PMP22: variants seen among roughly 807,000 people sequenced by gnomAD.
PMP22 encodes the protein Charcot-Marie-Tooth neuropathy 1A (greatly reduced nerve conduction velocity, hereditary motor sensory neuropathy Ia).
PMP22 carries 2 observed loss-of-function variants against 18.9 expected under a neutral mutation model. That is an observed-to-expected ratio of 0.11 (90% CI 0.04 to 0.33). The LOEUF is 0.33. PMP22 is among the 10% of genes least tolerant of loss of function. The pLI is 1.00. For synonymous variants in PMP22, 95 were observed against 89.2 expected (o/e 1.07, Z -0.37); for missense variants, 169 against 202.2 (o/e 0.84, Z 1.00).
At chr17:15,234,778 C>T (rs1005837713) in intron 4 of PMP22, among the ~76,000 whole-genome samples, 4 of 150,978 alleles carry the variant, frequency 2.6e-5, no homozygotes, top group Non-Finnish European at 4.4e-5. Context: ...AACAGGATGG[C>T]ACTGAACTTT....
chr17:15,235,694 C>A (rs1597603168), intron 4 of PMP22, among the ~76,000 whole-genome samples: 1 of 152,106 alleles, frequency 6.6e-6, no homozygotes, highest in South Asian at 2.1e-4. Context: ...GTGGATCCAT[C>A]CCACAACTAT....
At chr17:15,243,784 A>G (rs548626587) in intron 3 of PMP22, among the ~76,000 whole-genome samples, 1 of 148,084 alleles carries the variant, frequency 6.8e-6, no homozygotes, top group South Asian at 2.1e-4. Flanking sequence ...TTATAATTAT[A>G]TAACATATAA....
intron 3 of PMP22, among the ~76,000 whole-genome samples, chr17:15,253,075 T>A (rs1011240761): frequency 6.6e-6 from 1 of 152,218 alleles, no homozygotes; most frequent in Non-Finnish European, 1.5e-5. Flanking sequence ...TTTGCCTGAA[T>A]CCTTTGGGTC....
At position 15,260,702 on chromosome 17, in the gene PMP22, A is replaced by T; in HGVS notation, c.26T>A (p.Ile9Asn). The T allele has an allele frequency of 1.9e-6, 3 of 1,553,734 alleles. No individual in the cohort carries two copies. Among genetic ancestry groups the T allele is most frequent in the Non-Finnish European group, 2.6e-6 (3 of 1,148,066 alleles). Residue 9 changes from isoleucine to asparagine, a missense_variant, in exon 2 of 5, where the codon ATC becomes AAC. By Grantham distance (149) the Ile-to-Asn change is moderately radical (BLOSUM62 -3). Coordinates refer to ENST00000312280, the MANE Select transcript of PMP22 (RefSeq NM_000304.4). MLLLLLSI[I>N]VLHVAVLVLL... ...CACCAGCACCGCGACGTGGAGGACG[A>T]TGATACTCAGCAACAGGAGGAGCAT...
At chr17:15,244,077 C>A (rs1907581440) in intron 3 of PMP22, among the ~76,000 whole-genome samples, 1 of 151,884 alleles carries the variant, frequency 6.6e-6, no homozygotes, top group Admixed American at 6.6e-5. Context: ...AAATTACAGA[C>A]AGAACAAAGA....
intron 1 of PMP22, 73 bp from the exon 2 acceptor site, chr17:15,260,834 C>G: frequency 9.5e-7 from 1 of 1,049,394 alleles, no homozygotes; most frequent in Non-Finnish European, 1.4e-6. Context: ...GAGGGAGGGT[C>G]CCGCGCACTA....
At chr17:15,232,935 A>G (rs1906484147) in intron 4 of PMP22, among the ~76,000 whole-genome samples, 1 of 152,226 alleles carries the variant, frequency 6.6e-6, no homozygotes, top group Non-Finnish European at 1.5e-5. Context: ...CTTAACCGTG[A>G]TAAGCAGTAA....
intron 3 of PMP22, 51 bp downstream of exon 3, chr17:15,259,043 C>T (rs144711635): frequency 1.5e-5 from 20 of 1,310,520 alleles, no homozygotes; most frequent in African/African-American, 1.2e-4. Flanking sequence ...GGCTGAGAAA[C>T]GTGTTACAGG....
chr17:15,263,597 A>G (rs1002192691), intron 1 of PMP22, among the ~76,000 whole-genome samples: 4 of 151,318 alleles, frequency 2.6e-5, no homozygotes, highest in African/African-American at 4.9e-5. Flanking sequence ...ACACACACAC[A>G]CACACACTTC....
At chr17:15,255,433 G>C (rs1273446031) in intron 3 of PMP22, among the ~76,000 whole-genome samples, 1 of 152,112 alleles carries the variant, frequency 6.6e-6, no homozygotes, top group South Asian at 2.1e-4. Flanking sequence ...GAGATGGCTG[G>C]AGCTCTAGCA....
chr17:15,238,129 C>T (rs1438612785), intron 4 of PMP22, among the ~76,000 whole-genome samples: 1 of 152,118 alleles, frequency 6.6e-6, no homozygotes, highest in Non-Finnish European at 1.5e-5. Context: ...TTTAACAGAG[C>T]CAGCAACCAT....
chr17:15,233,055 A>C (rs1275023777), intron 4 of PMP22, among the ~76,000 whole-genome samples: 1 of 152,232 alleles, frequency 6.6e-6, no homozygotes, highest in Non-Finnish European at 1.5e-5. Flanking sequence ...ATGTAAAGCA[A>C]TAGATGTACC....
intron 4 of PMP22, among the ~76,000 whole-genome samples, chr17:15,237,992 C>T (rs761802899): frequency 1.7e-4 from 26 of 149,944 alleles, no homozygotes; most frequent in Non-Finnish European, 3.0e-4. Flanking sequence ...CAAACTAAAA[C>T]GAGTGAGAAA....
intron 4 of PMP22, among the ~76,000 whole-genome samples, chr17:15,237,954 T>C (rs914868397): frequency 5.9e-5 from 9 of 151,754 alleles, no homozygotes; most frequent in African/African-American, 1.9e-4. Flanking sequence ...ACTGATGCAA[T>C]GGATATGATC....
Position 15,236,610 on chromosome 17 carries a change from G to T in PMP22, c.319+2861C>A, listed in dbSNP as rs191885361. Among the ~76,000 whole-genome samples the T allele has an allele frequency of 2.7e-5, 4 of 150,866 alleles. No individual in the cohort carries two copies. In the South Asian group the frequency reaches 8.7e-4, roughly 33 times the overall value. Reference sequence around the variant, plus strand: ...TTTTAGCTTTTCTGACTACTTCCTTGATGTTAAGTTGTCACTTGCCAGGTT... The same window carrying T: ...TTTTAGCTTTTCTGACTACTTCCTTTATGTTAAGTTGTCACTTGCCAGGTT... On this transcript the variant is annotated intron_variant, in intron 4 of 4. Transcript: ENST00000312280.
intron 4 of PMP22, among the ~76,000 whole-genome samples, chr17:15,232,767 G>T (rs1393658454): frequency 6.6e-6 from 1 of 152,170 alleles, no homozygotes; most frequent in African/African-American, 2.4e-5. Flanking sequence ...GAGTGGACCA[G>T]CTACTCCCCG....
At chr17:15,237,810 A>G (rs932105919) in intron 4 of PMP22, among the ~76,000 whole-genome samples, 8 of 152,252 alleles carry the variant, frequency 5.3e-5, no homozygotes, top group Non-Finnish European at 8.8e-5. Context: ...GTGCCAAATC[A>G]TAACAAGGTT....
intron 3 of PMP22, among the ~76,000 whole-genome samples, chr17:15,254,725 A>G (rs780101991): frequency 6.6e-6 from 1 of 152,184 alleles, no homozygotes; most frequent in Non-Finnish European, 1.5e-5. Context: ...TGGGAGGCTG[A>G]GGCAGGTGGA....
intron 3 of PMP22, among the ~76,000 whole-genome samples, chr17:15,245,320 C>T (rs1907708746): frequency 1.3e-5 from 2 of 152,172 alleles, no homozygotes; most frequent in Non-Finnish European, 1.5e-5. Context: ...TCACACACTC[C>T]AGAAATGACA....
Sources: gnomAD v4.1 joint callset for allele counts (sites outside exome capture counted in the v4.1 genomes callset) on GRCh38, gnomAD v4.1.1 for gene constraint, MANE v1.5 for transcripts, NCBI Gene and HGNC (gene_info 2026-07-23, HGNC 2026-07-21) for gene names.